USH2A: variants seen among roughly 807,000 people sequenced by gnomAD.
USH2A encodes Usher syndrome 2A (autosomal recessive, mild).
A neutral mutation model predicts 538.9 loss-of-function variants in USH2A; 443 were observed. The observed-to-expected ratio is 0.82, with a 90% confidence interval of 0.76 to 0.89. The LOEUF is 0.89. USH2A is among the 40% of genes least tolerant of loss of function. The probability of loss-of-function intolerance (pLI) is 0.00; values close to 1 mark genes in which losing one functional copy is unlikely to be tolerated. For synonymous variants in USH2A, 2,413 were observed against 2,273.5 expected, an observed-to-expected ratio of 1.06 and a Z score of -1.75; for missense variants, 6,633 against 6,324.8, an observed-to-expected ratio of 1.05 and a Z score of -1.65.
intron 38 of USH2A, among the ~76,000 whole-genome samples, chr1:215,922,077 G>A (rs934175932): frequency 1.3e-5 from 2 of 152,102 alleles, no homozygotes; most frequent in Non-Finnish European, 2.9e-5. Flanking sequence ...AATCCAGGAT[G>A]AAGATGTAAC....
At chr1:215,876,095 A>G (rs890328149) in intron 43 of USH2A, among the ~76,000 whole-genome samples, 1 of 152,014 alleles carries the variant, frequency 6.6e-6, no homozygotes, top group African/African-American at 2.4e-5. Flanking sequence ...CTCAGCACAC[A>G]GTAAGCACAA....
rs1571911968 is a variant in USH2A, at chr1:215,625,602, A to AT, written c.*178dup. The AT allele has an allele frequency of 1.5e-6, 1 of 648,086 alleles. No individual in the cohort carries two copies. The highest frequency in any genetic ancestry group is 2.8e-5 in the East Asian group (1 of 36,162). 40.1% of individuals were successfully genotyped at this position (648,086 alleles called of 1,614,324 possible). A position where few individuals can be genotyped will look rare whatever the true frequency, so the allele number is the denominator to read the frequency against. On this transcript the variant is annotated 3_prime_UTR_variant, in exon 72 of 72. Coordinates refer to ENST00000307340, the MANE Select transcript of USH2A (RefSeq NM_206933.4). ...TTCTCTCTCATTTAAGATGAGAAAA[A>AT]TATCATTTCTTAGACCTCTATTAGG...
At chr1:215,704,166 G>C (rs1431979884) in intron 61 of USH2A, among the ~76,000 whole-genome samples, 1 of 152,184 alleles carries the variant, frequency 6.6e-6, no homozygotes, top group Non-Finnish European at 1.5e-5. Context: ...AGTCCCAGTG[G>C]GATGAACCGG....
At chr1:215,654,625 A>G (rs2102647962) in intron 64 of USH2A, among the ~76,000 whole-genome samples, 1 of 152,344 alleles carries the variant, frequency 6.6e-6, no homozygotes, top group African/African-American at 2.4e-5. Context: ...TGTTGTAACC[A>G]TGAAGAAAGT....
chr1:216,188,122 C>T (rs573959615), intron 20 of USH2A, among the ~76,000 whole-genome samples: 2 of 152,012 alleles, frequency 1.3e-5, no homozygotes, highest in South Asian at 4.2e-4. Context: ...GGACAGGAGT[C>T]GTTTTAATCG....
chr1:216,074,322 TG>T (rs2031674153), intron 27 of USH2A, among the ~76,000 whole-genome samples: 2 of 85,858 alleles, frequency 2.3e-5, no homozygotes, highest in Admixed American at 1.4e-4. Context: ...GTAGCGTGCA[TG>T]TTCTCTCTCT....
At chr1:215,638,957 G>GCTGT (rs1204725510) in intron 69 of USH2A, among the ~76,000 whole-genome samples, 198 bp downstream of exon 69, 1 of 145,636 alleles carries the variant, frequency 6.9e-6, no homozygotes, top group Admixed American at 7.0e-5. Context: ...CAGCCTGAGT[G>GCTGT]ACAGAGCAAG....
intron 13 of USH2A, among the ~76,000 whole-genome samples, chr1:216,238,254 T>C (rs759653571): frequency 1.3e-5 from 2 of 152,190 alleles, no homozygotes; most frequent in African/African-American, 4.8e-5. Flanking sequence ...CTTTGTTTTA[T>C]TCCAAAGCTA....
intron 64 of USH2A, among the ~76,000 whole-genome samples, chr1:215,662,144 C>T (rs1657455838): frequency 6.6e-6 from 1 of 152,082 alleles, no homozygotes; most frequent in African/African-American, 2.4e-5. Context: ...ATAAGTAAAA[C>T]ACATCTTACC....
intron 50 of USH2A, among the ~76,000 whole-genome samples, chr1:215,796,501 G>A (rs978428315): frequency 6.6e-6 from 1 of 151,960 alleles, no homozygotes; most frequent in African/African-American, 2.4e-5. Context: ...GTTTTAGCGT[G>A]TCATGAACCT....
intron 4 of USH2A, among the ~76,000 whole-genome samples, chr1:216,330,392 T>C (rs565808641): frequency 6.6e-6 from 1 of 152,188 alleles, no homozygotes; most frequent in Non-Finnish European, 1.5e-5. Context: ...GGGGATGTTA[T>C]GTCCAAGAGA....
At chr1:216,190,688 C>A (rs2034697396) in intron 19 of USH2A, among the ~76,000 whole-genome samples, 1 of 151,868 alleles carries the variant, frequency 6.6e-6, no homozygotes, top group Non-Finnish European at 1.5e-5. Flanking sequence ...GTGACATTGT[C>A]ATTGTTATCA....
chr1:215,958,566 A>G (rs1262410101), intron 37 of USH2A, among the ~76,000 whole-genome samples: 4 of 152,172 alleles, frequency 2.6e-5, no homozygotes, highest in Non-Finnish European at 5.9e-5. Flanking sequence ...AACAGAAGAA[A>G]AAGTTTAGGC....
chr1:216,303,199 T>A (rs2037246524), intron 9 of USH2A, among the ~76,000 whole-genome samples: 1 of 151,970 alleles, frequency 6.6e-6, no homozygotes, highest in African/African-American at 2.4e-5. Context: ...TTATTCAAGA[T>A]TGTAGATAGT....
intron 4 of USH2A, among the ~76,000 whole-genome samples, chr1:216,350,249 A>G (rs188977993): frequency 1.3e-5 from 2 of 152,246 alleles, no homozygotes; most frequent in Admixed American, 1.3e-4. Context: ...CTGAACATGC[A>G]TGGGGACACA....
intron 21 of USH2A, among the ~76,000 whole-genome samples, chr1:216,102,465 G>A (rs2032605349): frequency 6.6e-6 from 1 of 151,726 alleles, no homozygotes; most frequent in African/African-American, 2.4e-5. Flanking sequence ...ACTACTAGTT[G>A]GAGCGTACAA....
In USH2A at chr1:216,316,863, A is replaced by C. The variant is rs551133120; in HGVS notation, c.1644+5020T>G. Among the ~76,000 whole-genome samples the C allele has an allele frequency of 4.6e-5, 7 of 152,258 alleles. No individual in the cohort carries two copies. The South Asian group carries it at 1.5e-3, about 32-fold the overall frequency. On this transcript the variant is annotated intron_variant, in intron 9 of 71. Coordinates refer to ENST00000307340, the MANE Select transcript of USH2A (RefSeq NM_206933.4). Reference sequence around the variant, plus strand: ...ACATGAACAGACAGTTCTCAAAAGAAGACATTAATGTCCTCCCCTGGCAAC... The same window carrying C: ...ACATGAACAGACAGTTCTCAAAAGACGACATTAATGTCCTCCCCTGGCAAC...
chr1:216,375,164 A>C (rs1416548840), intron 3 of USH2A, among the ~76,000 whole-genome samples: 1 of 152,168 alleles, frequency 6.6e-6, no homozygotes, highest in Non-Finnish European at 1.5e-5. Context: ...CCTGTGCAGT[A>C]AAGTCCCCAA....
Position 215,680,188 on chromosome 1 carries a change from T to C in USH2A, c.12255A>G (p.Leu4085=). Residue 4085 remains leucine (L), a synonymous_variant, in exon 62 of 72, where the codon CTA becomes CTG. Coordinates refer to ENST00000307340, the MANE Select transcript of USH2A (RefSeq NM_206933.4). ...TGGTTCTCATAGGTTCTGACCACTG[T>C]AGTAGCAATGCCCGGCCATTCTCTT... is the stretch of plus-strand genomic sequence containing the variant. ...EQKENGRALL[L]QWSEPMRTNG... The C allele has an allele frequency of 6.2e-7, 1 of 1,614,168 alleles. No homozygotes were observed. The highest frequency in any genetic ancestry group is 8.5e-7 in the Non-Finnish European group (1 of 1,180,014).
Sources: gnomAD v4.1 joint callset for allele counts (sites outside exome capture counted in the v4.1 genomes callset) on GRCh38, gnomAD v4.1.1 for gene constraint, MANE v1.5 for transcripts, NCBI Gene and HGNC (gene_info 2026-07-23, HGNC 2026-07-21) for gene names.